Variants in ZNF804B observed in about 807,000 individuals in gnomAD.
ZNF804B encodes the protein zinc finger protein 804B, also known as zinc finger 804B.
A neutral mutation model predicts 101.4 loss-of-function variants in ZNF804B; 80 were observed. The observed-to-expected ratio is 0.79, with a 90% CI of 0.66 to 0.95. ZNF804B has a LOEUF of 0.95. Ranked by LOEUF, ZNF804B falls within the 40% of genes least tolerant of loss-of-function variation. The probability of loss-of-function intolerance (pLI) is 0.00; values close to 1 mark genes in which losing one functional copy is unlikely to be tolerated. For synonymous variants in ZNF804B, 622 were observed against 558.8 expected (o/e 1.11, Z -1.59); for missense variants, 1,673 against 1,561.9 (o/e 1.07, Z -1.20).
chr7:88,960,413 C>T (rs547491255), intron 1 of ZNF804B, among the ~76,000 whole-genome samples: 153 of 150,972 alleles, frequency 1.0e-3, no homozygotes, highest in African/African-American at 2.7e-3. Context: ...TGTGTATGTG[C>T]GGGAGTGGGG....
At chr7:88,808,957 T>C (rs1234148408) in intron 1 of ZNF804B, among the ~76,000 whole-genome samples, 2 of 152,192 alleles carry the variant, frequency 1.3e-5, no homozygotes, top group Non-Finnish European at 2.9e-5. Flanking sequence ...AGATCTTCAA[T>C]TGGCTAAGAA....
At chr7:88,910,417 T>G (rs982300654) in intron 1 of ZNF804B, among the ~76,000 whole-genome samples, 4 of 151,904 alleles carry the variant, frequency 2.6e-5, no homozygotes, top group African/African-American at 7.2e-5. Context: ...AGAAAGGTAA[T>G]TAAGTGTCTA....
At chr7:89,304,930 T>C (rs1260318895) in intron 2 of ZNF804B, among the ~76,000 whole-genome samples, 3 of 151,948 alleles carry the variant, frequency 2.0e-5, no homozygotes, top group Admixed American at 6.6e-5. Flanking sequence ...GAAAAAAGAA[T>C]AAAATATTTT....
At chr7:88,791,029 T>G (rs1790375599) in intron 1 of ZNF804B, among the ~76,000 whole-genome samples, 1 of 152,116 alleles carries the variant, frequency 6.6e-6, no homozygotes, top group South Asian at 2.1e-4. Flanking sequence ...ATTGTCACGC[T>G]CTTTTTAATA....
chr7:88,853,574 A>G lies in ZNF804B; in HGVS notation c.108+93490A>G, dbSNP rs1013744510. Reference sequence around the variant, plus strand: ...CAAGATTTTTTTGTGCTCAGTAGTCAATATCTCTCTAAAATGCTTAACTTT... The same window carrying G: ...CAAGATTTTTTTGTGCTCAGTAGTCGATATCTCTCTAAAATGCTTAACTTT... On this transcript the variant is annotated intron_variant, in intron 1 of 3. Coordinates refer to ENST00000333190, the MANE Select transcript of ZNF804B (RefSeq NM_181646.5). Among the ~76,000 whole-genome samples, 76 of 152,236 alleles carry G rather than the reference A, an allele frequency of 5.0e-4. 1 individual carries two copies. Among genetic ancestry groups the G allele is most frequent in the African/African-American group, 1.8e-3 (75 of 41,572 alleles).
intron 1 of ZNF804B, among the ~76,000 whole-genome samples, chr7:88,880,846 G>T (rs188158642): frequency 6.6e-6 from 1 of 152,084 alleles, no homozygotes; most frequent in Non-Finnish European, 1.5e-5. Context: ...ATGAATATTT[G>T]TACTGTTCTA....
intron 1 of ZNF804B, among the ~76,000 whole-genome samples, chr7:88,799,611 T>G (rs2115706561): frequency 6.6e-6 from 1 of 152,162 alleles, no homozygotes; most frequent in South Asian, 2.1e-4. Flanking sequence ...TATCTACTGT[T>G]ATTATCTACT....
At chr7:89,230,432 C>T (rs987265222) in intron 2 of ZNF804B, among the ~76,000 whole-genome samples, 1 of 151,950 alleles carries the variant, frequency 6.6e-6, no homozygotes, top group Non-Finnish European at 1.5e-5. Context: ...TCTATCCAAA[C>T]TCATACAAGA....
chr7:89,285,968 T>G (rs1048312439), intron 2 of ZNF804B, among the ~76,000 whole-genome samples: 5 of 149,808 alleles, frequency 3.3e-5, no homozygotes, highest in African/African-American at 1.3e-4. Context: ...AGGATGAAGA[T>G]TTTTATGATG....
chr7:89,074,038 A>G (rs1335024973), intron 1 of ZNF804B, among the ~76,000 whole-genome samples: 1 of 152,092 alleles, frequency 6.6e-6, no homozygotes, highest in Non-Finnish European at 1.5e-5. Context: ...GGGTGGGAGG[A>G]ATATTGAGGG....
At chr7:89,192,656 G>A (rs551826539) in intron 1 of ZNF804B, among the ~76,000 whole-genome samples, 6 of 151,972 alleles carry the variant, frequency 3.9e-5, no homozygotes, top group South Asian at 2.1e-4. Context: ...CATTCTATGA[G>A]GCCATCATCA....
chr7:88,868,335 T>C (rs1427261760), intron 1 of ZNF804B, among the ~76,000 whole-genome samples: 1 of 152,142 alleles, frequency 6.6e-6, no homozygotes, highest in Non-Finnish European at 1.5e-5. Flanking sequence ...TGTATATCCA[T>C]TATTAAAGAA....
chr7:89,118,417 A>C (rs2116362504), intron 1 of ZNF804B, among the ~76,000 whole-genome samples: 1 of 152,244 alleles, frequency 6.6e-6, no homozygotes, highest in South Asian at 2.1e-4. Context: ...TAAGAAATTA[A>C]ATTTTGAATA....
intron 2 of ZNF804B, among the ~76,000 whole-genome samples, chr7:89,283,636 G>A (rs928170434): frequency 6.6e-6 from 1 of 152,090 alleles, no homozygotes; most frequent in Non-Finnish European, 1.5e-5. Context: ...AAATCAGAGT[G>A]TTGTGTCATG....
chr7:89,179,712 G>A (rs1788267024), intron 1 of ZNF804B, among the ~76,000 whole-genome samples: 1 of 152,192 alleles, frequency 6.6e-6, no homozygotes, highest in Non-Finnish European at 1.5e-5. Flanking sequence ...GTTCATCAAT[G>A]TGTGGGCATT....
intron 1 of ZNF804B, among the ~76,000 whole-genome samples, chr7:89,129,310 A>G (rs915490765): frequency 2.6e-5 from 4 of 152,098 alleles, no homozygotes; most frequent in African/African-American, 7.2e-5. Context: ...AGAATAATAT[A>G]TCATCATATT....
chr7:89,007,567 AAT>A (rs1788388451), intron 1 of ZNF804B, among the ~76,000 whole-genome samples: 2 of 27,834 alleles, frequency 7.2e-5, no homozygotes, highest in Admixed American at 7.2e-4. Context: ...TATCTATTAT[AAT>A]TATATATAAT....
chr7:89,019,761 C>G (rs1027522481), intron 1 of ZNF804B, among the ~76,000 whole-genome samples: 1 of 151,918 alleles, frequency 6.6e-6, no homozygotes, highest in Non-Finnish European at 1.5e-5. Flanking sequence ...TTGACTTAGT[C>G]TGTTTTAGTA....
In ZNF804B at chr7:89,336,403, C is replaced by G. The variant is rs1241295015; in HGVS notation, c.3421C>G (p.Pro1141Ala). 1 of 1,613,994 alleles carries G rather than the reference C, an allele frequency of 6.2e-7. No individual in the cohort carries two copies. The highest frequency in any genetic ancestry group is 2.2e-5 in the East Asian group (1 of 44,866). The change falls in exon 4 of 4, where the codon CCC becomes GCC. Residue 1141 changes from proline (P) to alanine (A), a missense_variant. Physicochemically the swap from Pro to Ala is conservative, Grantham distance 27 (BLOSUM62 -1). Coordinates refer to ENST00000333190, the MANE Select transcript of ZNF804B (RefSeq NM_181646.5). ...GLEMCHKSIS[P>A]PLIQQPITFS... ...AGAAATGTGTCATAAATCTATCTCT[C>G]CCCCTTTAATTCAACAGCCCATAAC...
Sources: allele counts gnomAD v4.1 joint callset (sites outside exome capture counted in the v4.1 genomes callset), GRCh38; gene constraint gnomAD v4.1.1; transcripts MANE v1.5; gene names NCBI Gene and HGNC (gene_info 2026-07-23, HGNC 2026-07-21).